The following FGF14 variants were observed in gnomAD, a reference collection of about 807,000 sequenced individuals.
FGF14 encodes fibroblast growth factor homologous factor 4.
Under a neutral mutation model 25.5 loss-of-function variants are expected in FGF14, and 5 were observed. The observed-to-expected ratio is 0.20, with a 90% CI of 0.10 to 0.41. The LOEUF (loss-of-function observed/expected upper bound fraction) is 0.41, where lower values mean the gene tolerates loss of function less well. Among genes scored for constraint, FGF14 ranks in the 10% least tolerant of loss-of-function variants. FGF14 has a pLI of 1.00. For synonymous variants in FGF14, 138 were observed against 118.3 expected, an observed-to-expected ratio of 1.17 and a Z score of -1.08; for missense variants, 222 against 320.1, an observed-to-expected ratio of 0.69 and a Z score of 2.34.
intron 3 of FGF14, among the ~76,000 whole-genome samples, chr13:101,765,240 T>C (rs2038299946): frequency 6.6e-6 from 1 of 152,222 alleles, no homozygotes; most frequent in Non-Finnish European, 1.5e-5. Context: ...ATATTAGAGT[T>C]GACAAGCTAA....
At chr13:102,095,051 T>C (rs956549707) in intron 1 of FGF14, among the ~76,000 whole-genome samples, 2 of 152,230 alleles carry the variant, frequency 1.3e-5, no homozygotes, top group African/African-American at 4.8e-5. Flanking sequence ...GATCATACCA[T>C]TGGAGATACC....
intron 1 of FGF14, among the ~76,000 whole-genome samples, chr13:102,080,992 G>A (rs1034641285): frequency 1.3e-4 from 20 of 152,228 alleles, no homozygotes; most frequent in African/African-American, 4.8e-4. Context: ...CATGAGGGAT[G>A]TTGGGATGTT....
At chr13:102,128,168 C>T (rs1300729409) in intron 1 of FGF14, among the ~76,000 whole-genome samples, 2 of 131,652 alleles carry the variant, frequency 1.5e-5, no homozygotes, top group Non-Finnish European at 3.6e-5. Flanking sequence ...CTCTGTGCCT[C>T]GGCTTTCTCA....
chr13:101,873,746 T>G (rs1340629195), intron 2 of FGF14, among the ~76,000 whole-genome samples: 2 of 152,128 alleles, frequency 1.3e-5, no homozygotes, highest in Admixed American at 6.6e-5. Flanking sequence ...ACCAATAATC[T>G]TTGAAAGTTC....
intron 1 of FGF14, among the ~76,000 whole-genome samples, chr13:101,954,936 T>A (rs1594819271): frequency 1.3e-5 from 2 of 152,236 alleles, no homozygotes; most frequent in Admixed American, 1.3e-4. Flanking sequence ...CTCTATGGAC[T>A]AATAATCCCC....
intron 1 of FGF14, among the ~76,000 whole-genome samples, chr13:102,190,800 C>G (rs1330150719): frequency 6.6e-6 from 1 of 152,090 alleles, no homozygotes; most frequent in Non-Finnish European, 1.5e-5. Context: ...AGAACTCTGT[C>G]AACTAACCAA....
intron 1 of FGF14, among the ~76,000 whole-genome samples, chr13:102,049,513 T>A (rs982285308): frequency 6.6e-6 from 1 of 152,154 alleles, no homozygotes; most frequent in Non-Finnish European, 1.5e-5. Flanking sequence ...AAAGTCCAAA[T>A]CATCATTAAA....
At chr13:101,954,281 T>C (rs535180083) in intron 1 of FGF14, among the ~76,000 whole-genome samples, 1 of 144,414 alleles carries the variant, frequency 6.9e-6, no homozygotes, top group Admixed American at 7.2e-5. Context: ...CCTGAAGAGT[T>C]ATGGAGCATC....
At chr13:102,259,362 A>T (rs945624) in intron 1 of FGF14, among the ~76,000 whole-genome samples, 124,510 of 152,114 alleles carry the variant, frequency 0.82, 51,591 homozygotes, top group African/African-American at 0.95. Flanking sequence ...ATTTTATTTG[A>T]CTGGTTTTTT....
chr13:101,998,303 G>A (rs1433357765), intron 1 of FGF14, among the ~76,000 whole-genome samples: 2 of 152,018 alleles, frequency 1.3e-5, no homozygotes, highest in African/African-American at 4.8e-5. Context: ...AAGGCCCTGG[G>A]AATTTCCTCT....
intron 1 of FGF14, among the ~76,000 whole-genome samples, chr13:102,393,497 G>A (rs2058485058): frequency 6.6e-6 from 1 of 152,158 alleles, no homozygotes; most frequent in Non-Finnish European, 1.5e-5. Context: ...ATTTACAAAT[G>A]AGGTTTATAA....
chr13:102,047,168 A>G (rs2042020593), intron 1 of FGF14, among the ~76,000 whole-genome samples: 2 of 152,176 alleles, frequency 1.3e-5, no homozygotes, highest in South Asian at 4.1e-4. Context: ...AAATGAGAAA[A>G]TTTAGAAGTA....
intron 1 of FGF14, among the ~76,000 whole-genome samples, chr13:102,019,482 C>T (rs2040520012): frequency 1.3e-5 from 2 of 152,226 alleles, no homozygotes; most frequent in Non-Finnish European, 2.9e-5. Context: ...AGATAAACAT[C>T]CCATCTGTCC....
intron 1 of FGF14, among the ~76,000 whole-genome samples, chr13:102,173,293 C>T (rs574114308): frequency 2.6e-5 from 4 of 152,128 alleles, no homozygotes; most frequent in South Asian, 2.1e-4. Context: ...TATCACCATG[C>T]ACCTGTTAAG....
intron 1 of FGF14, among the ~76,000 whole-genome samples, chr13:102,266,028 TA>T (rs1439883674): frequency 6.6e-6 from 1 of 151,968 alleles, no homozygotes; most frequent in African/African-American, 2.4e-5. Flanking sequence ...AAAAAAAGAC[TA>T]AGAAGACTAT....
chr13:101,893,226 A>G (rs1302249229), intron 1 of FGF14, among the ~76,000 whole-genome samples: 1 of 152,092 alleles, frequency 6.6e-6, no homozygotes, highest in Non-Finnish European at 1.5e-5. Context: ...GCTAGTTCCT[A>G]TTCACCCTGT....
At chr13:102,398,649 G>T (rs1335919379) in intron 1 of FGF14, among the ~76,000 whole-genome samples, 1 of 151,836 alleles carries the variant, frequency 6.6e-6, no homozygotes, top group African/African-American at 2.4e-5. Context: ...TTTAGTGTTT[G>T]TTTCATTTTA....
rs564286711 is a variant in FGF14, at chr13:101,850,611, C to CAT, written c.408+18112_408+18113dup. Reference sequence around the variant, plus strand: ...ATATATTATATAATTCTATATATAGCATATATATTCTATATATATAGAAAT... The same window carrying CAT: ...ATATATTATATAATTCTATATATAGCATATATATATTCTATATATATAGAAAT... On this transcript the variant is annotated intron_variant, in intron 3 of 4. Transcript: ENST00000376143. Among the ~76,000 whole-genome samples, 842 of 127,468 alleles carry CAT rather than the reference C, an allele frequency of 6.6e-3. 11 individuals are homozygous for CAT. The highest frequency in any genetic ancestry group is 0.018 in the South Asian group (73 of 4,088). The allele number at this position is 127,468 out of a possible 152,430, so 83.6% of individuals were successfully genotyped here.
Position 102,281,271 on chromosome 13 carries a change from G to C in FGF14, c.208+120200C>G, listed in dbSNP as rs147201586. Among the ~76,000 whole-genome samples the C allele has an allele frequency of 2.7e-3, 411 of 152,322 alleles. 10 individuals carry two copies. The highest frequency in any genetic ancestry group is 0.023 in the Admixed American group (350 of 15,306). On this transcript the variant is annotated intron_variant, in intron 1 of 4. Transcript: ENST00000376131. Reference sequence around the variant, plus strand: ...GTAAGCTCAGGAGGTAGTAAGGGCTGTCCCTGAGCCTGTGCTGCCATTGGT... The same window carrying C: ...GTAAGCTCAGGAGGTAGTAAGGGCTCTCCCTGAGCCTGTGCTGCCATTGGT...
Sources: gnomAD v4.1 joint callset for allele counts (sites outside exome capture counted in the v4.1 genomes callset) on GRCh38, gnomAD v4.1.1 for gene constraint, MANE v1.5 for transcripts, NCBI Gene and HGNC (gene_info 2026-07-23, HGNC 2026-07-21) for gene names.